CR1: variants seen among roughly 807,000 people sequenced by gnomAD.
CR1 encodes complement receptor type 1.
In CR1, 116 loss-of-function variants were observed where a neutral mutation model predicts 187.3. The observed-to-expected ratio is 0.62, with a 90% CI of 0.53 to 0.72. The LOEUF (loss-of-function observed/expected upper bound fraction) is 0.72. CR1 is among the 30% of genes least tolerant of loss of function. The probability of loss-of-function intolerance (pLI) is 0.00; values close to 1 mark genes in which losing one functional copy is unlikely to be tolerated. For synonymous variants in CR1, 576 were observed against 747.1 expected, an observed-to-expected ratio of 0.77 and a Z score of 3.73; for missense variants, 1,731 against 2,110.7, an observed-to-expected ratio of 0.82 and a Z score of 3.52.
chr1:207,635,263 C>T (rs910900855), intron 46 of CR1, among the ~76,000 whole-genome samples: 1 of 151,952 alleles, frequency 6.6e-6, no homozygotes, highest in African/African-American at 2.4e-5. Context: ...ATCCACCGGC[C>T]TCTGAGTTCC....
intron 1 of CR1, 49 bp downstream of exon 1, chr1:207,496,437 G>T (rs577901202): frequency 6.5e-7 from 1 of 1,549,312 alleles, no homozygotes; most frequent in Admixed American, 2.0e-5. Flanking sequence ...CGAGGAACCC[G>T]GGGCCCCGCA....
rs531586383 is a variant in CR1, at chr1:207,525,936, T to A, written c.887-817T>A. On this transcript the variant is annotated intron_variant, in intron 5 of 46. Coordinates refer to ENST00000367049, the MANE Select transcript of CR1 (RefSeq NM_000651.6). ...GCTGAAGTCCAGAAAAGGGAACTGA[T>A]CTGCTCAAAGACAAACCGAAATTAT... Among the ~76,000 whole-genome samples, 59 of 152,210 alleles carry A rather than the reference T, an allele frequency of 3.9e-4. 1 individual carries two copies. Among genetic ancestry groups the A allele is most frequent in the African/African-American group, 1.4e-3 (57 of 41,442 alleles).
intron 1 of CR1, 145 bp downstream of exon 1, chr1:207,496,533 G>A: frequency 1.3e-6 from 1 of 796,274 alleles, no homozygotes; most frequent in Non-Finnish European, 1.8e-6. Flanking sequence ...CGCGCGACCC[G>A]GCAGGGCGGC....
intron 35 of CR1, among the ~76,000 whole-genome samples, chr1:207,596,602 G>A (rs1257544): frequency 0.069 from 10,510 of 151,642 alleles, 1,238 homozygotes; most frequent in African/African-American, 0.24. Context: ...CAACAAGAGC[G>A]AAACTCTGTC....
At chr1:207,631,657 A>C (rs1662650174) in intron 46 of CR1, among the ~76,000 whole-genome samples, 1 of 152,156 alleles carries the variant, frequency 6.6e-6, no homozygotes, top group African/African-American at 2.4e-5. Context: ...ACAGGCATTC[A>C]GACTCTCGGG....
In CR1 at chr1:207,580,261, T is replaced by C. The variant is rs1268320980; in HGVS notation, c.4958T>C (p.Ile1653Thr). Residue 1653 changes from isoleucine to threonine, a missense_variant, in exon 30 of 47, where the codon ATC becomes ACC. Transcript: ENST00000367049. ...ACAGTGTGTCAGCCGCCTCCAGAAA[T>C]CCTGCATGGTGAGCATACCCCAAGC... ...CSRVCQPPPE[I>T]LHGEHTPSHQ... is the part of the protein sequence containing the mutation. 4 of 1,613,682 alleles carry C rather than the reference T, an allele frequency of 2.5e-6. No homozygotes were observed. The highest frequency in any genetic ancestry group is 1.7e-5 in the Admixed American group (1 of 59,978).
Position 207,609,670 on chromosome 1 carries a change from C to A in CR1, c.6277C>A (p.Leu2093Met). Reference sequence around the variant, plus strand: ...GACCAATGGCAGATGGGGGCCCAAGCTGCCACACTGCTCCAGGGGTGAGTG... The same window carrying A: ...GACCAATGGCAGATGGGGGCCCAAGATGCCACACTGCTCCAGGGGTGAGTG... ...CQTNGRWGPK[L>M]PHCSRVCQPP... Residue 2093 changes from leucine (L) to methionine (M), a missense_variant, in exon 37 of 47, where the codon CTG becomes ATG. Coordinates refer to ENST00000367049, the MANE Select transcript of CR1 (RefSeq NM_000651.6). The A allele has an allele frequency of 1.3e-6, 2 of 1,587,778 alleles. No individual in the cohort carries two copies. The highest frequency in any genetic ancestry group is 4.5e-5 in the East Asian group (2 of 44,750).
At chr1:207,504,495 C>T (rs1659369031) in intron 1 of CR1, among the ~76,000 whole-genome samples, 1 of 131,280 alleles carries the variant, frequency 7.6e-6, no homozygotes. Flanking sequence ...AATATTTTAA[C>T]ACAACTCATT....
At chr1:207,623,588 AC>A (rs1571611656) in intron 45 of CR1, among the ~76,000 whole-genome samples, 1 of 654 alleles carries the variant, frequency 1.5e-3, no homozygotes, top group Non-Finnish European at 2.2e-3. Flanking sequence ...ACATCTCAAA[AC>A]ACACACACAC....
At chr1:207,607,480 G>A in intron 36 of CR1, 144 bp downstream of exon 36, 2 of 638,992 alleles carry the variant, frequency 3.1e-6, no homozygotes, top group Non-Finnish European at 5.5e-6. Context: ...TGGTCTTCCT[G>A]GCTTTTCTTT....
chr1:207,630,604 A>C lies in CR1; in HGVS notation c.7440A>C (p.Thr2480=). Residue 2480 remains threonine (T), a synonymous_variant, in exon 46 of 47, where the codon ACA becomes ACC. Coordinates refer to ENST00000367049, the MANE Select transcript of CR1 (RefSeq NM_000651.6). ...GSSVHPRTLQ[T]NEENSRVLP The stretch of plus-strand genomic sequence containing the variant: ...GCGTTCATCCCCGAACTCTGCAAAC[A>C]AATGAAGAAAATAGCAGGTACCTAT... 6.2e-7 allele frequency: 1 copy of C among 1,601,456 alleles called. No individual in the cohort carries two copies. The highest frequency in any genetic ancestry group is 8.5e-7 in the Non-Finnish European group (1 of 1,174,764).
intron 5 of CR1, among the ~76,000 whole-genome samples, chr1:207,526,227 T>C (rs1387117204): frequency 6.6e-6 from 1 of 152,064 alleles, no homozygotes; most frequent in Admixed American, 6.5e-5. Context: ...TACCATCCTA[T>C]GTCAGGTGGC....
At chr1:207,577,507 C>T (rs182693477) in intron 28 of CR1, among the ~76,000 whole-genome samples, 12 of 152,058 alleles carry the variant, frequency 7.9e-5, no homozygotes, top group African/African-American at 1.9e-4. Context: ...CGGTGGCTCA[C>T]GCTTATAATC....
chr1:207,625,653 G>A (rs1192701381), intron 45 of CR1, among the ~76,000 whole-genome samples: 1 of 152,080 alleles, frequency 6.6e-6, no homozygotes, highest in African/African-American at 2.4e-5. Flanking sequence ...CAGGGGCTAG[G>A]GTTTTTATAG....
At chr1:207,581,809 C>T in intron 31 of CR1, 109 bp from the exon 32 acceptor site, 1 of 713,620 alleles carries the variant, frequency 1.4e-6, no homozygotes, top group Non-Finnish European at 2.4e-6. Context: ...TTAGCTTGAG[C>T]AGTAAAATGT....
intron 23 of CR1, among the ~76,000 whole-genome samples, chr1:207,564,535 C>T (rs1339697847): frequency 4.7e-5 from 7 of 150,164 alleles, no homozygotes; most frequent in Non-Finnish European, 1.0e-4. Flanking sequence ...CACGGTGGCT[C>T]ACGTGTGTAA....
chr1:207,596,913 T>C (rs992387426), intron 35 of CR1, among the ~76,000 whole-genome samples: 1 of 148,582 alleles, frequency 6.7e-6, no homozygotes, highest in Non-Finnish European at 1.5e-5. Flanking sequence ...TATACTGGTG[T>C]AAAGTACTAT....
chr1:207,616,192 C>T (rs1371995130), intron 40 of CR1, among the ~76,000 whole-genome samples: 1 of 152,156 alleles, frequency 6.6e-6, no homozygotes, highest in African/African-American at 2.4e-5. Context: ...TTCCTTGAAA[C>T]TTATGGTCTC....
intron 36 of CR1, 56 bp downstream of exon 36, chr1:207,607,392 G>A: frequency 7.7e-7 from 1 of 1,299,172 alleles, no homozygotes; most frequent in Non-Finnish European, 1.1e-6. Flanking sequence ...ACTTGCCCCT[G>A]GAGTACAAAG....
Sources: allele counts gnomAD v4.1 joint callset (sites outside exome capture counted in the v4.1 genomes callset), GRCh38; gene constraint gnomAD v4.1.1; transcripts MANE v1.5; gene names NCBI Gene and HGNC (gene_info 2026-07-23, HGNC 2026-07-21).